DLGAP2: variants seen among roughly 807,000 people sequenced by gnomAD.
The protein encoded by DLGAP2 is DLG associated protein 2.
Under a neutral mutation model 100.3 loss-of-function variants are expected in DLGAP2, and 26 were observed. The ratio of observed to expected loss-of-function variants is 0.26; its 90% CI spans 0.19 to 0.36. The LOEUF (loss-of-function observed/expected upper bound fraction) is 0.36, where lower values mean the gene tolerates loss of function less well. Ranked by LOEUF, DLGAP2 falls within the 10% of genes least tolerant of loss-of-function variation. DLGAP2 has a pLI of 1.00. For missense variants in DLGAP2, 1,858 were observed against 1,453.2 expected (o/e 1.28, Z -4.53); for synonymous variants, 886 against 630.1 (o/e 1.41, Z -6.08).
intron 4 of DLGAP2, among the ~76,000 whole-genome samples, chr8:1,509,556 T>G (rs958355020): frequency 6.6e-6 from 1 of 151,946 alleles, no homozygotes; most frequent in Non-Finnish European, 1.5e-5. Flanking sequence ...GGAAGTCGCT[T>G]TTGTGCTGTC....
intron 2 of DLGAP2, among the ~76,000 whole-genome samples, chr8:1,092,741 G>A (rs1804226670): frequency 6.6e-6 from 1 of 152,174 alleles, no homozygotes; most frequent in African/African-American, 2.4e-5. Context: ...GACTTGGCCT[G>A]GGAGCCCAGA....
At chr8:1,357,920 C>A (rs1290179373) in intron 3 of DLGAP2, among the ~76,000 whole-genome samples, 1 of 152,184 alleles carries the variant, frequency 6.6e-6, no homozygotes, top group South Asian at 2.1e-4. Context: ...GCTCCCCACA[C>A]TGTGAGCACC....
intron 2 of DLGAP2, among the ~76,000 whole-genome samples, chr8:1,075,747 A>C (rs1014328984): frequency 6.6e-6 from 1 of 151,976 alleles, no homozygotes; most frequent in Non-Finnish European, 1.5e-5. Flanking sequence ...GTCAGGGCTG[A>C]GTGATGAGCA....
At chr8:1,485,456 G>A (rs377330949) in intron 3 of DLGAP2, among the ~76,000 whole-genome samples, 1 of 152,272 alleles carries the variant, frequency 6.6e-6, no homozygotes, top group Non-Finnish European at 1.5e-5. Flanking sequence ...AAGAAAGGAA[G>A]CAGGGAAAGC....
At chr8:1,048,489 G>C (rs988993633) in intron 2 of DLGAP2, among the ~76,000 whole-genome samples, 1 of 151,922 alleles carries the variant, frequency 6.6e-6, no homozygotes, top group African/African-American at 2.4e-5. Flanking sequence ...TCTCTGGAAG[G>C]TGTGGGGTGG....
At chr8:1,445,691 T>C (rs1797966488) in intron 3 of DLGAP2, among the ~76,000 whole-genome samples, 1 of 152,202 alleles carries the variant, frequency 6.6e-6, no homozygotes, top group Non-Finnish European at 1.5e-5. Context: ...GTTGAACTAA[T>C]TTACAGTCCC....
chr8:1,353,839 G>C (rs887210970), intron 3 of DLGAP2, among the ~76,000 whole-genome samples: 4 of 152,140 alleles, frequency 2.6e-5, no homozygotes, highest in Admixed American at 2.0e-4. Context: ...TTTAATACGG[G>C]AAAAATATCT....
In DLGAP2 at chr8:1,156,674, T is replaced by C. The variant is rs1290974962; in HGVS notation, c.74-102177T>C. Reference sequence around the variant, plus strand: ...CCCAGCCCAGCGCCCCAGCTTAGCGTCCCAGCCCAGCACCCCAGCTCAGCA... The same window carrying C: ...CCCAGCCCAGCGCCCCAGCTTAGCGCCCCAGCCCAGCACCCCAGCTCAGCA... On this transcript the variant is annotated intron_variant, in intron 2 of 14. Coordinates refer to ENST00000637795, the MANE Select transcript of DLGAP2 (RefSeq NM_001346810.2). 4.7e-4 allele frequency among the ~76,000 whole-genome samples: 20 copies of C among 42,210 alleles called. No homozygotes were observed. The East Asian group carries it at 7.6e-3, about 16-fold the overall frequency. The allele number at this position is 42,210 out of a possible 152,430, so 27.7% of individuals were successfully genotyped here.
chr8:749,221 G>A (rs993060328), intron 1 of DLGAP2, among the ~76,000 whole-genome samples: 1 of 152,162 alleles, frequency 6.6e-6, no homozygotes, highest in Non-Finnish European at 1.5e-5. Context: ...AAACTCTTGG[G>A]TTCAAGCAGT....
intron 2 of DLGAP2, among the ~76,000 whole-genome samples, chr8:1,149,909 C>G (rs1221575237): frequency 6.6e-6 from 1 of 152,212 alleles, no homozygotes; most frequent in Non-Finnish European, 1.5e-5. Flanking sequence ...CCAGAAAATG[C>G]CAAGACCCTG....
intron 2 of DLGAP2, among the ~76,000 whole-genome samples, chr8:1,058,358 G>C (rs989251984): frequency 1.3e-5 from 2 of 152,190 alleles, no homozygotes; most frequent in Admixed American, 6.5e-5. Flanking sequence ...CGGCTCCGAC[G>C]GGCGACCTGA....
At chr8:1,526,404 C>T (rs1272878487) in intron 4 of DLGAP2, among the ~76,000 whole-genome samples, 1 of 151,996 alleles carries the variant, frequency 6.6e-6, no homozygotes, top group Non-Finnish European at 1.5e-5. Flanking sequence ...CATGTGGGTC[C>T]AAGGGCAGTC....
chr8:1,246,040 T>A (rs1383647559), intron 2 of DLGAP2, among the ~76,000 whole-genome samples: 1 of 152,238 alleles, frequency 6.6e-6, no homozygotes, highest in African/African-American at 2.4e-5. Flanking sequence ...TATTTGTTCC[T>A]GCTATTTATG....
intron 3 of DLGAP2, among the ~76,000 whole-genome samples, chr8:1,261,366 G>C (rs1024574297): frequency 7.2e-6 from 1 of 138,948 alleles, no homozygotes; most frequent in Non-Finnish European, 1.6e-5. Flanking sequence ...GGGCAGGTCA[G>C]CTTCCAGATC....
chr8:1,435,358 C>T (rs752422221), intron 3 of DLGAP2, among the ~76,000 whole-genome samples: 3 of 152,166 alleles, frequency 2.0e-5, no homozygotes, highest in Non-Finnish European at 2.9e-5. Flanking sequence ...GCACCGCACA[C>T]GGGTGTTTCA....
chr8:1,007,964 C>A (rs1171807812), intron 2 of DLGAP2, among the ~76,000 whole-genome samples: 2 of 152,156 alleles, frequency 1.3e-5, no homozygotes, highest in East Asian at 1.9e-4. Flanking sequence ...AGGACGCCCT[C>A]CATAAAGAAG....
In DLGAP2 at chr8:1,481,286, G is replaced by A. The variant is rs372486797; in HGVS notation, c.107-20080G>A. ...TTTTCCTACATGATCCATGTACAAG[G>A]CCATTAAAACAAACAAAATAGTGTG... On this transcript the variant is annotated intron_variant, in intron 3 of 14. Coordinates refer to ENST00000637795, the MANE Select transcript of DLGAP2 (RefSeq NM_001346810.2). Among the ~76,000 whole-genome samples the A allele has an allele frequency of 2.0e-4, 31 of 152,184 alleles. No individual in the cohort carries two copies. In the South Asian group the frequency reaches 4.8e-3, roughly 23 times the overall value.
intron 5 of DLGAP2, among the ~76,000 whole-genome samples, chr8:1,551,405 C>T (rs1417325150): frequency 6.6e-6 from 1 of 152,166 alleles, no homozygotes; most frequent in Admixed American, 6.5e-5. Context: ...TCAGAGCCTC[C>T]AGGTTTTGCC....
chr8:1,511,006 C>T (rs1800142087), intron 4 of DLGAP2, among the ~76,000 whole-genome samples: 1 of 152,216 alleles, frequency 6.6e-6, no homozygotes, highest in African/African-American at 2.4e-5. Context: ...GAGAATGTTC[C>T]ATTTTCTCAA....
Sources: allele counts gnomAD v4.1 joint callset (sites outside exome capture counted in the v4.1 genomes callset), GRCh38; gene constraint gnomAD v4.1.1; transcripts MANE v1.5; gene names NCBI Gene and HGNC (gene_info 2026-07-23, HGNC 2026-07-21).